The following ZSWIM5 variants were observed in gnomAD, a reference collection of about 807,000 sequenced individuals.
ZSWIM5 encodes zinc finger SWIM domain-containing protein 5.
Under a neutral mutation model 119.6 loss-of-function variants are expected in ZSWIM5, and 55 were observed. That is an observed-to-expected ratio of 0.46 (90% CI 0.37 to 0.58). The LOEUF (loss-of-function observed/expected upper bound fraction) is 0.58, where lower values mean the gene tolerates loss of function less well. Among genes scored for constraint, ZSWIM5 ranks in the 20% least tolerant of loss-of-function variants. The pLI is 0.00. For missense variants in ZSWIM5, 1,193 were observed against 1,512.8 expected (o/e 0.79, Z 3.51); for synonymous variants, 537 against 606.9 (o/e 0.88, Z 1.69).
chr1:45,101,807 G>A (rs897409503), intron 1 of ZSWIM5, among the ~76,000 whole-genome samples: 3 of 152,084 alleles, frequency 2.0e-5, no homozygotes, highest in Non-Finnish European at 2.9e-5. Flanking sequence ...ACCAAACACC[G>A]CATGTTCTCA....
chr1:45,096,793 A>G (rs1403453182), intron 1 of ZSWIM5, among the ~76,000 whole-genome samples: 1 of 152,090 alleles, frequency 6.6e-6, no homozygotes, highest in Non-Finnish European at 1.5e-5. Context: ...TGTAAGAATA[A>G]AATTGTACCG....
intron 1 of ZSWIM5, among the ~76,000 whole-genome samples, chr1:45,102,364 C>G (rs1645445249): frequency 6.6e-6 from 1 of 152,204 alleles, no homozygotes; most frequent in African/African-American, 2.4e-5. Flanking sequence ...ATTTCCTTCT[C>G]ATGCTAATTC....
chr1:45,042,427 G>A (rs964414280), intron 6 of ZSWIM5, among the ~76,000 whole-genome samples: 2 of 152,182 alleles, frequency 1.3e-5, no homozygotes, highest in East Asian at 1.9e-4. Context: ...GATCACAGGA[G>A]AAGAAAGATG....
Position 45,019,275 on chromosome 1 carries a change from G to C in ZSWIM5, c.2737C>G (p.Leu913Val). ...CTAGTAGCCTCAGTAGGGGTGAAGA[G>C]TGTGTACCAGCTCTGCAAGATGCTC... ...LVSILQSWYT[L>V]FTPTEATSIV... The change falls in exon 14 of 14, where the codon CTC becomes GTC. Residue 913 changes from leucine to valine, a missense_variant. Around this residue, in one of 2 missense-constraint regions of ZSWIM5, gnomAD observed 961 missense variants for 1,290.0 expected, o/e 0.74. Transcript: ENST00000359600. The surrounding 1 kb of genome is among the most constrained non-coding windows in gnomAD (Gnocchi z 5.0). 1 of 1,613,634 alleles carries C rather than the reference G, an allele frequency of 6.2e-7. No individual in the cohort carries two copies. The highest frequency in any genetic ancestry group is 8.5e-7 in the Non-Finnish European group (1 of 1,180,018).
intron 1 of ZSWIM5, among the ~76,000 whole-genome samples, chr1:45,114,457 T>C (rs1645535480): frequency 2.0e-5 from 3 of 152,188 alleles, no homozygotes; most frequent in Non-Finnish European, 2.9e-5. Context: ...ATGTATTTAA[T>C]AACAGAGCTT....
Position 45,019,752 on chromosome 1 carries a change from C to T in ZSWIM5, c.2695+314G>A, listed in dbSNP as rs1488519798. Among the ~76,000 whole-genome samples, 1 of 152,126 alleles carries T rather than the reference C, an allele frequency of 6.6e-6. No individual in the cohort carries two copies. The highest frequency in any genetic ancestry group is 2.4e-5 in the African/African-American group (1 of 41,420). On this transcript the variant is annotated intron_variant, in intron 13 of 13. Coordinates refer to ENST00000359600, the MANE Select transcript of ZSWIM5 (RefSeq NM_020883.2). This position sits in a 1 kb window ranked among gnomAD's most constrained non-coding sequence, Gnocchi z 5.0. Reference sequence around the variant, plus strand: ...TACAAGCATGCACAGGGATGGGGACCAAACCACTGGGCCCACTACCTCCCA... The same window carrying T: ...TACAAGCATGCACAGGGATGGGGACTAAACCACTGGGCCCACTACCTCCCA...
intron 1 of ZSWIM5, among the ~76,000 whole-genome samples, chr1:45,180,933 T>C (rs1041713931): frequency 3.3e-5 from 5 of 152,122 alleles, no homozygotes; most frequent in South Asian, 2.1e-4. Context: ...AACCCATCTG[T>C]ACATCACCAT....
At chr1:45,021,378 C>T (rs192388373) in intron 11 of ZSWIM5, among the ~76,000 whole-genome samples, 11 of 152,282 alleles carry the variant, frequency 7.2e-5, no homozygotes, top group Admixed American at 4.6e-4. Flanking sequence ...AGTCACATTA[C>T]TGCCAAAAAA....
At chr1:45,102,887 G>A (rs532901025) in intron 1 of ZSWIM5, among the ~76,000 whole-genome samples, 11 of 152,176 alleles carry the variant, frequency 7.2e-5, no homozygotes, top group Admixed American at 7.2e-4. Context: ...TGGGGGTACA[G>A]GGTCTTGCTT....
At chr1:45,106,402 G>A (rs1645478641) in intron 1 of ZSWIM5, among the ~76,000 whole-genome samples, 1 of 145,314 alleles carries the variant, frequency 6.9e-6, no homozygotes, top group Admixed American at 6.8e-5. Flanking sequence ...GAAGTGAGGA[G>A]CGCCTCTGCC....
chr1:45,081,828 A>G (rs1645293798), intron 2 of ZSWIM5, among the ~76,000 whole-genome samples: 1 of 151,834 alleles, frequency 6.6e-6, no homozygotes, highest in African/African-American at 2.4e-5. Context: ...TGGGAGGTGT[A>G]CCCAACAGCT....
At chr1:45,128,489 G>A (rs1414976315) in intron 1 of ZSWIM5, among the ~76,000 whole-genome samples, 4 of 152,036 alleles carry the variant, frequency 2.6e-5, no homozygotes, top group African/African-American at 4.8e-5. Flanking sequence ...GTATGCCACC[G>A]CCCCTGGCCC....
chr1:45,048,083 T>TTTC lies in ZSWIM5; in HGVS notation c.1432+2990_1432+2991insGAA, dbSNP rs774651430. Among the ~76,000 whole-genome samples the TTTC allele has an allele frequency of 4.0e-3, 178 of 44,354 alleles. 2 individuals are homozygous for TTTC. In the East Asian group the frequency reaches 0.21, roughly 51 times the overall value. The allele number at this position is 44,354 out of a possible 152,430, so 29.1% of individuals were successfully genotyped here. A position where few individuals can be genotyped will look rare whatever the true frequency, so the allele number is the denominator to read the frequency against. On this transcript the variant is annotated intron_variant, in intron 5 of 13. Coordinates refer to ENST00000359600, the MANE Select transcript of ZSWIM5 (RefSeq NM_020883.2). ...TTTCTTTCTTTCCTTTTCTTTTCTC[T>TTTC]TTTTTTTTTTTTTTTTTTGAGACAG...
chr1:45,039,221 G>A, intron 7 of ZSWIM5, 148 bp from the exon 8 acceptor site: 1 of 1,007,472 alleles, frequency 9.9e-7, no homozygotes, highest in Non-Finnish European at 1.4e-6. Context: ...TGATACGGCT[G>A]GCCACAAACA....
intron 1 of ZSWIM5, among the ~76,000 whole-genome samples, chr1:45,105,744 C>T (rs1447460966): frequency 9.4e-5 from 13 of 138,268 alleles, no homozygotes; most frequent in African/African-American, 3.0e-4. Flanking sequence ...ACCTCTGCCC[C>T]GCCGCCACCC....
At chr1:45,033,430 G>C (rs929313238) in intron 11 of ZSWIM5, among the ~76,000 whole-genome samples, 1 of 152,038 alleles carries the variant, frequency 6.6e-6, no homozygotes, top group Non-Finnish European at 1.5e-5. Context: ...GTAGTTTCCT[G>C]GTCTAAAATA....
chr1:45,155,820 G>A (rs61788441), intron 1 of ZSWIM5, among the ~76,000 whole-genome samples: 11,068 of 152,212 alleles, frequency 0.073, 518 homozygotes, highest in Non-Finnish European at 0.1. Context: ...ACTCATAAGC[G>A]GGAGCTAAAC....
intron 1 of ZSWIM5, among the ~76,000 whole-genome samples, chr1:45,188,391 C>T (rs1646071642): frequency 6.6e-6 from 1 of 152,090 alleles, no homozygotes; most frequent in Non-Finnish European, 1.5e-5. Flanking sequence ...CTAGAATAAG[C>T]AAATCCATAG....
chr1:45,204,881 C>T (rs1221804194), intron 1 of ZSWIM5, among the ~76,000 whole-genome samples: 1 of 152,086 alleles, frequency 6.6e-6, no homozygotes, highest in African/African-American at 2.4e-5. Context: ...TATCCTTCTC[C>T]TTAACCATTC....
Sources: allele counts gnomAD v4.1 joint callset (sites outside exome capture counted in the v4.1 genomes callset), GRCh38; gene constraint gnomAD v4.1.1; regional missense constraint gnomAD v4.1.1; non-coding constraint Gnocchi (gnomAD v3.1); transcripts MANE v1.5; gene names NCBI Gene and HGNC (gene_info 2026-07-23, HGNC 2026-07-21).